SPATA31A1: variants seen among roughly 807,000 people sequenced by gnomAD.
SPATA31A1 encodes SPATA31 subfamily A member 1.
For synonymous variants in SPATA31A1, 194 were observed against 573.4 expected (o/e 0.34, Z 9.45); for missense variants, 579 against 1,476.3 (o/e 0.39, Z 9.96).
chr9:39,358,167 C>G lies in SPATA31A1; in HGVS notation c.402C>G (p.Ala134=). ...TGGGCGAAAGAGCACCTGATGGAGC[C>G]TCCCAGTCCTCTCATGAGCCTATGG... ...GEVGERAPDG[A]SQSSHEPMED... The change falls in exon 4 of 4, where the codon GCC becomes GCG. Residue 134 remains alanine (A), a synonymous_variant. Coordinates refer to ENST00000377647, the MANE Select transcript of SPATA31A1 (RefSeq NM_001085452.4). 1 of 1,606,274 alleles carries G rather than the reference C, an allele frequency of 6.2e-7. No individual in the cohort carries two copies. Among genetic ancestry groups the G allele is most frequent in the Non-Finnish European group, 8.5e-7 (1 of 1,178,420 alleles).
At position 39,361,068 on chromosome 9, in the gene SPATA31A1, G is replaced by A; in HGVS notation, c.3303G>A (p.Arg1101=). The A allele has an allele frequency of 1.9e-6, 3 of 1,610,994 alleles. No individual in the cohort carries two copies. The highest frequency in any genetic ancestry group is 2.5e-6 in the Non-Finnish European group (3 of 1,179,596). ...PNCQGSCKNQ[R]PMFPPIHKSE... is the part of the protein sequence containing the mutation. ...GTCAAGGCTCATGCAAGAACCAAAG[G>A]CCAATGTTTCCCCCTATTCACAAGA... Residue 1101 remains arginine, a synonymous_variant, in exon 4 of 4, where the codon AGG becomes AGA. Transcript: ENST00000377647.
chr9:39,356,543 CATTTTATTTTATTTTATTTT>C (rs1311401622), intron 1 of SPATA31A1, among the ~76,000 whole-genome samples: 91 of 66,262 alleles, frequency 1.4e-3, no homozygotes, highest in African/African-American at 2.5e-3. Context: ...GTGTTATTTT[CATTTTATTTTATTTTATTTT>C]ATTTTATTTT....
rs1195771942 is a variant in SPATA31A1 at position 39,358,855 on chromosome 9, C to G, written c.1090C>G (p.Arg364Gly). 1.4e-5 allele frequency: 22 copies of G among 1,595,876 alleles called. 1 individual carries two copies. The highest frequency in any genetic ancestry group is 4.5e-5 in the East Asian group (2 of 44,854). ...CCCAGAAAAGCACTTAAATTCTTTG[C>G]GGAATTTGGCTAAATCATTGGATGC... is the stretch of plus-strand genomic sequence containing the variant. ...MTPEKHLNSL[R>G]NLAKSLDAEQ... Residue 364 changes from arginine (R) to glycine (G), a missense_variant, in exon 4 of 4, where the codon CGG becomes GGG. Physicochemically the swap from Arg to Gly is moderately radical, Grantham distance 125. Transcript: ENST00000377647.
Position 39,361,362 on chromosome 9 carries a change from G to T in SPATA31A1, c.3597G>T (p.Val1199=), listed in dbSNP as rs904006358. 2.3e-5 allele frequency: 37 copies of T among 1,613,526 alleles called. No individual in the cohort carries two copies. Among genetic ancestry groups the T allele is most frequent in the Non-Finnish European group, 2.9e-5 (34 of 1,179,866 alleles). Reference sequence around the variant, plus strand: ...AAACAGTGAAAAACAGATCATGTGTGTACAGCAGCAGTGCTGAAGCTCAGG... The same window carrying T: ...AAACAGTGAAAAACAGATCATGTGTTTACAGCAGCAGTGCTGAAGCTCAGG... ...SQKTVKNRSC[V]YSSSAEAQGL... The change falls in exon 4 of 4, where the codon GTG becomes GTT. Residue 1199 remains valine (V), a synonymous_variant. Transcript: ENST00000377647.
At position 39,358,751 on chromosome 9, in the gene SPATA31A1, G is replaced by C. The variant is rs1359029527; in HGVS notation, c.986G>C (p.Gly329Ala). The change falls in exon 4 of 4, where the codon GGG (glycine) becomes GCG (alanine). Residue 329 changes from glycine (G) to alanine (A), a missense_variant. Coordinates refer to ENST00000377647, the MANE Select transcript of SPATA31A1 (RefSeq NM_001085452.4). ...LLSSDGQNAV[G>A]IQVTETAKVN... ...AGCTCTGATGGCCAGAATGCCGTGG[G>C]GATACAAGTCACAGAAACAGCCAAG... The C allele has an allele frequency of 9.4e-6, 15 of 1,602,838 alleles. No homozygotes were observed. The highest frequency in any genetic ancestry group is 3.3e-5 in the Admixed American group (2 of 59,980).
In SPATA31A1 at chr9:39,357,808, C is replaced by A. The variant is rs1166468136; in HGVS notation, c.298C>A (p.Gln100Lys). The change falls in exon 3 of 4, where the codon CAA becomes AAA. Residue 100 changes from glutamine (Q) to lysine (K), a missense_variant. Gln to Lys is a moderately conservative substitution (Grantham distance 53). Transcript: ENST00000377647. ...GCAGGAGACTTCGGACCTGCTTTCA[C>A]AACTGCAGAGGTGAGGCACTTCCCC... is the stretch of plus-strand genomic sequence containing the variant. Reference protein sequence around the residue: ...GLQETSDLLSQLQSLLGPHLD... With the variant: ...GLQETSDLLSKLQSLLGPHLD... 3 of 1,591,858 alleles carry A rather than the reference C, an allele frequency of 1.9e-6. No individual in the cohort carries two copies. Among genetic ancestry groups the A allele is most frequent in the Non-Finnish European group, 1.7e-6 (2 of 1,169,818 alleles).
chr9:39,361,483 C>A lies in SPATA31A1; in HGVS notation c.3718C>A (p.Gln1240Lys), dbSNP rs1326219323. Residue 1240 changes from glutamine to lysine, a missense_variant, in exon 4 of 4, where the codon CAA becomes AAA. Physicochemically the swap from Gln to Lys is moderately conservative, Grantham distance 53. Coordinates refer to ENST00000377647, the MANE Select transcript of SPATA31A1 (RefSeq NM_001085452.4). ...SKVNQHKQKFQAPVCGFPCNH... is the reference protein window; with the variant it reads ...SKVNQHKQKFKAPVCGFPCNH... The stretch of plus-strand genomic sequence containing the variant: ...GGTAAATCAGCACAAACAGAAGTTT[C>A]AAGCCCCAGTCTGTGGGTTTCCCTG... 1 of 1,612,922 alleles carries A rather than the reference C, an allele frequency of 6.2e-7. No homozygotes were observed. The highest frequency in any genetic ancestry group is 1.1e-5 in the South Asian group (1 of 91,032).
intron 2 of SPATA31A1, chr9:39,357,543 G>A: frequency 1.6e-6 from 1 of 627,748 alleles, no homozygotes; most frequent in South Asian, 2.0e-5. Context: ...GAGGACTGTG[G>A]GGGTGGGGGG....
rs200684160 is a variant in SPATA31A1 at position 39,360,965 on chromosome 9, G to A, written c.3200G>A (p.Arg1067Gln). Residue 1067 changes from arginine to glutamine, a missense_variant, in exon 4 of 4, where the codon CGG becomes CAG. Arg to Gln is a conservative substitution (Grantham distance 43). Transcript: ENST00000377647. ...HLQSMPAGNMRASQELHDLMA... is the reference protein window; with the variant it reads ...HLQSMPAGNMQASQELHDLMA... Reference sequence around the variant, plus strand: ...CAGAGCATGCCTGCTGGGAACATGCGGGCTTCCCAGGAGCTACATGACCTT... The same window carrying A: ...CAGAGCATGCCTGCTGGGAACATGCAGGCTTCCCAGGAGCTACATGACCTT... 9.3e-5 allele frequency: 150 copies of A among 1,607,982 alleles called. No homozygotes were observed. The East Asian group carries it at 1.9e-3, about 20-fold the overall frequency.
chr9:39,361,365 C>T lies in SPATA31A1; in HGVS notation c.3600C>T (p.Tyr1200=). 6.2e-7 allele frequency: 1 copy of T among 1,613,588 alleles called. No individual in the cohort carries two copies. Among genetic ancestry groups the T allele is most frequent in the Admixed American group, 1.7e-5 (1 of 59,986 alleles). ...CAGTGAAAAACAGATCATGTGTGTA[C>T]AGCAGCAGTGCTGAAGCTCAGGGTC... ...QKTVKNRSCV[Y]SSSAEAQGLM... Residue 1200 remains tyrosine (Y), a synonymous_variant, in exon 4 of 4, where the codon TAC becomes TAT. Transcript: ENST00000377647.
intron 3 of SPATA31A1, 38 bp downstream of exon 3, chr9:39,357,856 G>A (rs1823366981): frequency 6.3e-7 from 1 of 1,575,060 alleles, no homozygotes; most frequent in Non-Finnish European, 8.7e-7. Context: ...TTCCTACCAG[G>A]GCTGGGACGT....
In SPATA31A1 at chr9:39,358,511, C is replaced by T; in HGVS notation, c.746C>T (p.Thr249Ile). ...HCDSVALPLG[T>I]VPQSLSPHED... Reference sequence around the variant, plus strand: ...GACTCAGTGGCACTTCCACTGGGCACCGTCCCTCAAAGCTTGTCTCCACAT... The same window carrying T: ...GACTCAGTGGCACTTCCACTGGGCATCGTCCCTCAAAGCTTGTCTCCACAT... The change falls in exon 4 of 4, where the codon ACC becomes ATC. Residue 249 changes from threonine (T) to isoleucine (I), a missense_variant. By Grantham distance (89) the Thr-to-Ile change is moderately conservative (BLOSUM62 -1). Coordinates refer to ENST00000377647, the MANE Select transcript of SPATA31A1 (RefSeq NM_001085452.4). The T allele has an allele frequency of 1.3e-6, 2 of 1,578,586 alleles. No individual in the cohort carries two copies. The highest frequency in any genetic ancestry group is 1.7e-6 in the Non-Finnish European group (2 of 1,171,744).
chr9:39,356,543 C>CATTTT (rs1311401622), intron 1 of SPATA31A1, among the ~76,000 whole-genome samples: 927 of 66,354 alleles, frequency 0.014, 147 homozygotes, highest in Non-Finnish European at 0.017. Flanking sequence ...GTGTTATTTT[C>CATTTT]ATTTTATTTT....
chr9:39,358,748 T>G lies in SPATA31A1; in HGVS notation c.983T>G (p.Val328Gly), dbSNP rs1231866935. Residue 328 changes from valine (V) to glycine (G), a missense_variant, in exon 4 of 4, where the codon GTG (valine) becomes GGG (glycine). Coordinates refer to ENST00000377647, the MANE Select transcript of SPATA31A1 (RefSeq NM_001085452.4). ...CTCAGCTCTGATGGCCAGAATGCCG[T>G]GGGGATACAAGTCACAGAAACAGCC... The part of the protein sequence containing the change: ...FLLSSDGQNA[V>G]GIQVTETAKV... 1.2e-6 allele frequency: 2 copies of G among 1,603,008 alleles called. No homozygotes were observed. Among genetic ancestry groups the G allele is most frequent in the African/African-American group, 2.7e-5 (2 of 74,592 alleles).
rs887106829 is a variant in SPATA31A1 at position 39,357,619 on chromosome 9, G to A, written c.248-139G>A. The A allele has an allele frequency of 8.4e-5, 129 of 1,541,790 alleles. 1 individual carries two copies. The highest frequency in any genetic ancestry group is 1.0e-4 in the Non-Finnish European group (117 of 1,122,654). ...CTCCATGCATTGCTATTAACGTCGG[G>A]GTCATGTGGCTTTGGACACAGATGG... is the stretch of plus-strand genomic sequence containing the variant. On this transcript the variant is annotated intron_variant, in intron 2 of 3. Coordinates refer to ENST00000377647, the MANE Select transcript of SPATA31A1 (RefSeq NM_001085452.4).
rs1384287526 is a variant in SPATA31A1 at position 39,361,683 on chromosome 9, C to T, written c.3918C>T (p.Pro1306=). 1.6e-5 allele frequency: 26 copies of T among 1,612,602 alleles called. 1 individual carries two copies. The highest frequency in any genetic ancestry group is 2.2e-5 in the Non-Finnish European group (26 of 1,179,770). Residue 1306 remains proline, a synonymous_variant, in exon 4 of 4, where the codon CCC becomes CCT. Transcript: ENST00000377647. ...ATGAGCAATGGGGCCTGCGACATCC[C>T]CAAATCTTGCACCCCAAGAAAGCTG... is the stretch of plus-strand genomic sequence containing the variant. ...CNNEQWGLRH[P]QILHPKKAVS...
chr9:39,356,219 G>C (rs1296016559), intron 1 of SPATA31A1, among the ~76,000 whole-genome samples: 1 of 47,340 alleles, frequency 2.1e-5, no homozygotes, highest in African/African-American at 9.2e-5. Context: ...GTCTCTGTCC[G>C]AGACCAGGCC....
chr9:39,358,866 T>C lies in SPATA31A1; in HGVS notation c.1101T>C (p.Ala367=), dbSNP rs1823392753. The C allele has an allele frequency of 5.6e-6, 9 of 1,595,866 alleles. No homozygotes were observed. The highest frequency in any genetic ancestry group is 7.6e-6 in the Non-Finnish European group (9 of 1,179,710). Residue 367 remains alanine, a synonymous_variant, in exon 4 of 4, where the codon GCT becomes GCC. Coordinates refer to ENST00000377647, the MANE Select transcript of SPATA31A1 (RefSeq NM_001085452.4). ...ACTTAAATTCTTTGCGGAATTTGGC[T>C]AAATCATTGGATGCTGAGCAGGACA... ...EKHLNSLRNL[A]KSLDAEQDTT...
rs1480171695 is a variant in SPATA31A1 at position 39,361,443 on chromosome 9, G to A, written c.3678G>A (p.Ala1226=). 2.9e-5 allele frequency: 46 copies of A among 1,613,162 alleles called. No homozygotes were observed. The highest frequency in any genetic ancestry group is 1.7e-4 in the Middle Eastern group (1 of 6,010). ...MLDEKMSLCH[A]RHASKVNQHK... ...ACGAGAAAATGTCACTTTGCCATGC[G>A]CGCCATGCCTCGAAGGTAAATCAGC... The change falls in exon 4 of 4, where the codon GCG becomes GCA. Residue 1226 remains alanine, a synonymous_variant. Coordinates refer to ENST00000377647, the MANE Select transcript of SPATA31A1 (RefSeq NM_001085452.4).
Sources: gnomAD v4.1 joint callset for allele counts (sites outside exome capture counted in the v4.1 genomes callset) on GRCh38, gnomAD v4.1.1 for gene constraint, MANE v1.5 for transcripts, NCBI Gene and HGNC (gene_info 2026-07-23, HGNC 2026-07-21) for gene names.